The following SELENOT variants were observed in gnomAD, a reference collection of about 807,000 sequenced individuals.
SELENOT encodes selenoprotein T.
A neutral mutation model predicts 24.3 loss-of-function variants in SELENOT; 9 were observed. That is an observed-to-expected ratio of 0.37 (90% CI 0.22 to 0.65). SELENOT has a LOEUF of 0.65. SELENOT is among the 30% of genes least tolerant of loss of function. SELENOT has a pLI of 0.60. For synonymous variants in SELENOT, 81 were observed against 86.0 expected, an observed-to-expected ratio of 0.94 and a Z score of 0.32; for missense variants, 166 against 247.6, an observed-to-expected ratio of 0.67 and a Z score of 2.21.
chr3:150,630,049 T>A lies in SELENOT; in HGVS notation c.*2420T>A, dbSNP rs1253209794. ...TAAAAAAAGTTGGTAAAACATGGTTTTATACCTCAGTGTATAAGATGTGCA... is the reference window on the plus strand; with the variant it reads ...TAAAAAAAGTTGGTAAAACATGGTTATATACCTCAGTGTATAAGATGTGCA... On this transcript the variant is annotated 3_prime_UTR_variant, in exon 6 of 6. Transcript: ENST00000471696. 6.6e-6 allele frequency: 1 copy of A among 152,546 alleles called. No homozygotes were observed. Among genetic ancestry groups the A allele is most frequent in the Non-Finnish European group, 1.5e-5 (1 of 68,040 alleles). 9.4% of individuals were successfully genotyped at this position (152,546 alleles called of 1,614,324 possible).
chr3:150,614,859 A>T (rs1726176552), intron 1 of SELENOT, among the ~76,000 whole-genome samples: 1 of 151,388 alleles, frequency 6.6e-6, no homozygotes, highest in South Asian at 2.1e-4. Context: ...TTATTTATTT[A>T]TTATTATTTT....
intron 1 of SELENOT, chr3:150,603,716 T>A: frequency 2.1e-6 from 1 of 469,970 alleles, no homozygotes; most frequent in Non-Finnish European, 3.7e-6. Context: ...TTTTGCCTCC[T>A]AGAACAGTGG....
intron 3 of SELENOT, among the ~76,000 whole-genome samples, chr3:150,624,233 A>AGG (rs1726397408): frequency 6.6e-6 from 1 of 152,024 alleles, no homozygotes; most frequent in Non-Finnish European, 1.5e-5. Context: ...TGAACATTTG[A>AGG]TTTATTTTTC....
At chr3:150,604,349 T>A (rs1338330177) in intron 1 of SELENOT, among the ~76,000 whole-genome samples, 1 of 151,934 alleles carries the variant, frequency 6.6e-6, no homozygotes, top group African/African-American at 2.4e-5. Context: ...GGGTTGCGGG[T>A]GGGGATTGAA....
intron 4 of SELENOT, 128 bp downstream of exon 4, chr3:150,625,027 A>G (rs923984203): frequency 6.0e-6 from 3 of 500,368 alleles, no homozygotes; most frequent in South Asian, 5.6e-5. Context: ...TTTGAAAGAA[A>G]TTGAAAATTC....
chr3:150,609,631 G>GC lies in SELENOT; in HGVS notation c.137+6137dup, dbSNP rs201478394. ...CAAAGTGTCGAGATTACAGGCAGGA[G>GC]CCCCCTTGCCCAGCCTTGGTGTTTT... is the stretch of plus-strand genomic sequence containing the variant. On this transcript the variant is annotated intron_variant, in intron 1 of 5. Coordinates refer to ENST00000471696, the MANE Select transcript of SELENOT (RefSeq NM_016275.5). Among the ~76,000 whole-genome samples, 4 of 152,282 alleles carry GC rather than the reference G, an allele frequency of 2.6e-5. No homozygotes were observed. The East Asian group carries it at 7.7e-4, about 29-fold the overall frequency.
chr3:150,614,664 C>T (rs1020023784), intron 1 of SELENOT: 3 of 153,668 alleles, frequency 2.0e-5, no homozygotes, highest in African/African-American at 7.3e-5. Context: ...AACAAAAATC[C>T]AGTAGGTAAG....
At chr3:150,606,387 A>C (rs1725962979) in intron 1 of SELENOT, among the ~76,000 whole-genome samples, 1 of 151,970 alleles carries the variant, frequency 6.6e-6, no homozygotes. Context: ...GCCAGGAATT[A>C]AGCATGCTAA....
At chr3:150,614,915 GC>G (rs1343184603) in intron 1 of SELENOT, among the ~76,000 whole-genome samples, 1 of 150,174 alleles carries the variant, frequency 6.7e-6, no homozygotes, top group Non-Finnish European at 1.5e-5. Flanking sequence ...TGCACATTGT[GC>G]AGGTTAGTTA....
chr3:150,628,515 C>A lies in SELENOT; in HGVS notation c.*886C>A, dbSNP rs1428443227. ...GATACACAAATAATCGTTCATTTACCATCTTTAGGATCATTGAAACTCATC... is the reference window on the plus strand; with the variant it reads ...GATACACAAATAATCGTTCATTTACAATCTTTAGGATCATTGAAACTCATC... On this transcript the variant is annotated 3_prime_UTR_variant, in exon 6 of 6. Transcript: ENST00000471696. 3 of 152,118 alleles carry A rather than the reference C, an allele frequency of 2.0e-5. No homozygotes were observed. Among genetic ancestry groups the A allele is most frequent in the Non-Finnish European group, 4.4e-5 (3 of 67,978 alleles). The allele number at this position is 152,118 out of a possible 1,614,324, so 9.4% of individuals were successfully genotyped here.
intron 1 of SELENOT, among the ~76,000 whole-genome samples, chr3:150,609,749 G>T (rs573056890): frequency 6.6e-6 from 1 of 152,304 alleles, no homozygotes; most frequent in Non-Finnish European, 1.5e-5. Flanking sequence ...CCAGCTATTT[G>T]GTTCTCCCTT....
At chr3:150,611,130 T>C (rs1403871609) in intron 1 of SELENOT, 2 of 584,932 alleles carry the variant, frequency 3.4e-6, no homozygotes, top group Non-Finnish European at 6.0e-6. Flanking sequence ...TCCAACTAAT[T>C]ATTAGAGTCA....
intron 1 of SELENOT, chr3:150,618,649 G>C (rs1011173723): frequency 1.9e-5 from 3 of 154,008 alleles, no homozygotes; most frequent in Non-Finnish European, 4.4e-5. Flanking sequence ...AGCCTCCCCA[G>C]TAGCTGGTAC....
chr3:150,620,086 AGGGCCTGATGAACCAAGTAGATTTAT>A (rs1326503243), intron 1 of SELENOT, among the ~76,000 whole-genome samples: 1 of 152,238 alleles, frequency 6.6e-6, no homozygotes, highest in Non-Finnish European at 1.5e-5. Context: ...CTGAAGATTT[AGGGCCTGATGAACCAAGTAGATTTAT>A]GCTTCTAAAC....
intron 1 of SELENOT, among the ~76,000 whole-genome samples, chr3:150,603,902 T>A (rs1192792368): frequency 6.6e-6 from 1 of 152,258 alleles, no homozygotes; most frequent in Non-Finnish European, 1.5e-5. Context: ...GTCAGTTCAC[T>A]TTTTCTGCCC....
chr3:150,611,702 A>G (rs1726096525), intron 1 of SELENOT: 3 of 1,597,150 alleles, frequency 1.9e-6, no homozygotes, highest in Non-Finnish European at 2.6e-6. Flanking sequence ...ACCGCTCACC[A>G]TCCTCCGCAG....
At chr3:150,623,736 T>C (rs1726386766) in intron 3 of SELENOT, among the ~76,000 whole-genome samples, 1 of 152,130 alleles carries the variant, frequency 6.6e-6, no homozygotes, top group African/African-American at 2.4e-5. Context: ...GCCACATACA[T>C]TCTTTCTAGA....
intron 1 of SELENOT, among the ~76,000 whole-genome samples, chr3:150,610,500 G>C (rs543825189): frequency 6.6e-6 from 1 of 152,322 alleles, no homozygotes; most frequent in South Asian, 2.1e-4. Context: ...TAGAGAGAAG[G>C]AAAGGATAGA....
chr3:150,603,619 G>C (rs1450775537), intron 1 of SELENOT, 120 bp downstream of exon 1: 2 of 1,219,710 alleles, frequency 1.6e-6, no homozygotes, highest in African/African-American at 3.1e-5. Context: ...GTAGAACTGT[G>C]CCGGCGCCCT....
Sources: gnomAD v4.1 joint callset for allele counts (sites outside exome capture counted in the v4.1 genomes callset) on GRCh38, gnomAD v4.1.1 for gene constraint, MANE v1.5 for transcripts, NCBI Gene and HGNC (gene_info 2026-07-23, HGNC 2026-07-21) for gene names.